MBD5: variants seen among roughly 807,000 people sequenced by gnomAD.
MBD5 encodes methyl-CpG-binding domain protein 5.
A neutral mutation model predicts 117.3 loss-of-function variants in MBD5; 13 were observed. The observed-to-expected ratio is 0.11, with a 90% confidence interval of 0.07 to 0.18. The LOEUF is 0.18. MBD5 is among the 10% of genes least tolerant of loss of function. The pLI is 1.00. For synonymous variants in MBD5, 727 were observed against 766.4 expected (o/e 0.95, Z 0.85); for missense variants, 1,879 against 2,093.8 (o/e 0.90, Z 2.00).
intron 1 of MBD5, among the ~76,000 whole-genome samples, chr2:148,172,097 A>G (rs1253352472): frequency 6.6e-6 from 1 of 152,208 alleles, no homozygotes; most frequent in African/African-American, 2.4e-5. Flanking sequence ...GATGTCCACA[A>G]TGGCCTGTCT....
In MBD5 at chr2:148,483,878, C is replaced by T. The variant is rs754182364; in HGVS notation, c.3287C>T (p.Ser1096Leu). 9.0e-6 allele frequency: 14 copies of T among 1,550,560 alleles called. No individual in the cohort carries two copies. Among genetic ancestry groups the T allele is most frequent in the Admixed American group, 7.8e-5 (4 of 50,994 alleles). The change falls in exon 9 of 14, where the codon TCG becomes TTG. Residue 1096 changes from serine to leucine, a missense_variant. Physicochemically the swap from Ser to Leu is moderately radical, Grantham distance 145 (BLOSUM62 -2). Around this residue, in one of 4 missense-constraint regions of MBD5, gnomAD observed 1,666 missense variants for 1,792.2 expected, o/e 0.93. Coordinates refer to ENST00000642680, the MANE Select transcript of MBD5 (RefSeq NM_001378120.1). ...CAGCTGTTGGGAGGTGTCCTGAACT[C>T]GGCATCGGCCAACACCGCTAATCAT... ...NPQLLGGVLNSASANTANHPE... is the reference protein window; with the variant it reads ...NPQLLGGVLNLASANTANHPE...
At chr2:148,237,600 AGATCACT>A (rs1700118927) in intron 3 of MBD5, among the ~76,000 whole-genome samples, 1 of 152,178 alleles carries the variant, frequency 6.6e-6, no homozygotes, top group Non-Finnish European at 1.5e-5. Context: ...GAAACATCAA[AGATCACT>A]GATTACAGAT....
At chr2:148,225,021 A>G (rs1296201890) in intron 2 of MBD5, among the ~76,000 whole-genome samples, 1 of 152,110 alleles carries the variant, frequency 6.6e-6, no homozygotes, top group African/African-American at 2.4e-5. Flanking sequence ...GTATCCATTC[A>G]GCAACTCAAT....
intron 1 of MBD5, among the ~76,000 whole-genome samples, chr2:148,166,888 T>G (rs182855076): frequency 1.3e-5 from 2 of 152,294 alleles, no homozygotes; most frequent in African/African-American, 4.8e-5. Flanking sequence ...CATTTTTTTT[T>G]GTCAATTATG....
intron 1 of MBD5, among the ~76,000 whole-genome samples, chr2:148,105,851 A>G (rs781143676): frequency 8.5e-5 from 13 of 152,122 alleles, no homozygotes; most frequent in East Asian, 1.9e-4. Context: ...TGCTTTTGCT[A>G]TATACAACAA....
chr2:148,216,356 AC>A (rs1384532315), intron 2 of MBD5, among the ~76,000 whole-genome samples: 1 of 152,138 alleles, frequency 6.6e-6, no homozygotes, highest in East Asian at 1.9e-4. Context: ...CTACGAAACT[AC>A]CCCAAGAGCT....
intron 1 of MBD5, among the ~76,000 whole-genome samples, chr2:148,059,800 C>A (rs1694977356): frequency 6.6e-6 from 1 of 151,038 alleles, no homozygotes; most frequent in South Asian, 2.1e-4. Flanking sequence ...GAGCCAAGAT[C>A]GCGCCACTGC....
At chr2:148,162,296 C>T (rs1011976876) in intron 1 of MBD5, among the ~76,000 whole-genome samples, 1 of 152,102 alleles carries the variant, frequency 6.6e-6, no homozygotes, top group Non-Finnish European at 1.5e-5. Context: ...TGTTCCCCAC[C>T]CCCCTGTCCA....
chr2:148,273,855 G>C (rs1344781414), intron 3 of MBD5, among the ~76,000 whole-genome samples: 1 of 152,182 alleles, frequency 6.6e-6, no homozygotes, highest in Admixed American at 6.5e-5. Flanking sequence ...ACATGTACTG[G>C]AAAGTGAGAG....
chr2:148,074,507 G>GTTTTTTTTTTTTTTTTTTTTTTTTT (rs11443189), intron 1 of MBD5, among the ~76,000 whole-genome samples: 1 of 113,772 alleles, frequency 8.8e-6, no homozygotes, highest in African/African-American at 3.5e-5. Flanking sequence ...TTTTTTTTTT[G>GTTTTTTTTTTTTTTTTTTTTTTTTT]TTTTTTTTTT....
intron 11 of MBD5, among the ~76,000 whole-genome samples, chr2:148,494,980 T>A (rs563678857): frequency 6.6e-6 from 1 of 151,994 alleles, no homozygotes; most frequent in Admixed American, 6.6e-5. Flanking sequence ...AAAAATAAAA[T>A]AAATAAAAAA....
intron 1 of MBD5, among the ~76,000 whole-genome samples, chr2:148,100,495 C>G (rs547966033): frequency 6.6e-6 from 1 of 152,102 alleles, no homozygotes; most frequent in East Asian, 1.9e-4. Flanking sequence ...GAAATTCAGA[C>G]AGGGCACAGT....
At chr2:148,264,811 C>T (rs1035092788) in intron 3 of MBD5, 2 of 152,194 alleles carry the variant, frequency 1.3e-5, no homozygotes, top group African/African-American at 2.4e-5. Context: ...CCTTTGGACA[C>T]TCAATGAAGT....
chr2:148,210,215 AT>A (rs1233627776), intron 2 of MBD5, among the ~76,000 whole-genome samples: 2 of 152,168 alleles, frequency 1.3e-5, no homozygotes, highest in Non-Finnish European at 2.9e-5. Context: ...TAATTCCTAC[AT>A]TTTAAATAAG....
chr2:148,296,984 C>T (rs757022167), intron 3 of MBD5, among the ~76,000 whole-genome samples: 35 of 146,224 alleles, frequency 2.4e-4, no homozygotes, highest in Non-Finnish European at 4.2e-4. Context: ...AAGCAGTTCT[C>T]GTGCCTCAGC....
At chr2:148,403,287 C>A (rs749324830) in intron 4 of MBD5, among the ~76,000 whole-genome samples, 6 of 151,918 alleles carry the variant, frequency 3.9e-5, no homozygotes, top group Non-Finnish European at 8.8e-5. Context: ...TCAAGCGATT[C>A]TTGTGCCTCA....
At position 148,470,254 on chromosome 2, in the gene MBD5, A is replaced by G. The variant is rs777686665; in HGVS notation, c.2311A>G (p.Ser771Gly). The change falls in exon 8 of 14, where the codon AGT becomes GGT. Residue 771 changes from serine to glycine, a missense_variant. Transcript: ENST00000642680. ...CAATGCAAACACTAACTTTGTTCAC[A>G]GTAACAGTCCAGTCCCCAACCACCA... ...CHNANTNFVH[S>G]NSPVPNHHLA... 76 of 1,613,886 alleles carry G rather than the reference A, an allele frequency of 4.7e-5. No homozygotes were observed. Among genetic ancestry groups the G allele is most frequent in the Non-Finnish European group, 6.4e-5 (75 of 1,179,910 alleles).
intron 4 of MBD5, among the ~76,000 whole-genome samples, chr2:148,352,749 T>C (rs1380905900): frequency 2.6e-5 from 4 of 152,238 alleles, no homozygotes; most frequent in East Asian, 1.9e-4. Context: ...ATACCTCTTA[T>C]GGAATGCTTG....
chr2:148,229,280 T>C (rs1185625718), intron 2 of MBD5, among the ~76,000 whole-genome samples: 3 of 152,160 alleles, frequency 2.0e-5, no homozygotes, highest in African/African-American at 4.8e-5. Flanking sequence ...TAATGGACTT[T>C]GATGCATTTT....
Sources: gnomAD v4.1 joint callset for allele counts (sites outside exome capture counted in the v4.1 genomes callset) on GRCh38, gnomAD v4.1.1 for gene constraint, gnomAD v4.1.1 regional missense constraint, MANE v1.5 for transcripts, NCBI Gene and HGNC (gene_info 2026-07-23, HGNC 2026-07-21) for gene names.